CAB39: variants seen among roughly 807,000 people sequenced by gnomAD.
The protein encoded by CAB39 is calcium binding protein 39.
CAB39 carries 8 observed loss-of-function variants against 40.0 expected under a neutral mutation model. That is an observed-to-expected ratio of 0.20 (90% confidence interval 0.12 to 0.36). CAB39 has a LOEUF of 0.36. Among genes scored for constraint, CAB39 ranks in the 10% least tolerant of loss-of-function variants. The pLI is 1.00. For missense variants in CAB39, 270 were observed against 401.1 expected, an observed-to-expected ratio of 0.67 and a Z score of 2.79; for synonymous variants, 156 against 141.6, an observed-to-expected ratio of 1.10 and a Z score of -0.72.
At chr2:230,758,297 C>CAA (rs201939916) in intron 1 of CAB39, among the ~76,000 whole-genome samples, 2,821 of 73,302 alleles carry the variant, frequency 0.038, 136 homozygotes, top group African/African-American at 0.11. Context: ...AGCGAGACTC[C>CAA]AAAAAAAAAA....
chr2:230,755,722 G>A (rs1287720500), intron 1 of CAB39, among the ~76,000 whole-genome samples: 1 of 152,246 alleles, frequency 6.6e-6, no homozygotes, highest in East Asian at 1.9e-4. Flanking sequence ...TATTCTAAGG[G>A]CAGTGAAAAA....
intron 1 of CAB39, among the ~76,000 whole-genome samples, chr2:230,727,410 C>CT (rs1213702262): frequency 3.0e-5 from 3 of 101,616 alleles, no homozygotes; most frequent in South Asian, 2.9e-4. Context: ...ATTTTTTTTT[C>CT]TTTTTCTTTT....
intron 3 of CAB39, 42 bp from the exon 4 acceptor site, chr2:230,793,171 T>A (rs375183679): frequency 5.0e-4 from 550 of 1,108,656 alleles, no homozygotes; most frequent in Admixed American, 9.6e-4. Context: ...AGCATTTTGA[T>A]GTTTGGTCAG....
intron 2 of CAB39, among the ~76,000 whole-genome samples, chr2:230,785,891 G>A (rs1303186965): frequency 1.3e-4 from 19 of 151,380 alleles, no homozygotes; most frequent in Middle Eastern, 3.4e-3. Context: ...TTGGCCGGGC[G>A]CGGTGGCTCA....
chr2:230,789,682 G>T (rs761401144), intron 2 of CAB39, among the ~76,000 whole-genome samples: 5 of 152,174 alleles, frequency 3.3e-5, no homozygotes, highest in Non-Finnish European at 4.4e-5. Flanking sequence ...ACATGAGTGG[G>T]CTCTGCAGGT....
chr2:230,812,491 C>G (rs1001898251), intron 6 of CAB39, among the ~76,000 whole-genome samples: 3 of 152,174 alleles, frequency 2.0e-5, no homozygotes, highest in African/African-American at 7.2e-5. Flanking sequence ...AAGTTTCTTG[C>G]AACCAAGCTT....
At chr2:230,804,148 G>A (rs552119193) in intron 5 of CAB39, among the ~76,000 whole-genome samples, 148 of 152,288 alleles carry the variant, frequency 9.7e-4, no homozygotes, top group African/African-American at 3.2e-3. Context: ...AGAAATGGGG[G>A]AAAGGATTCC....
chr2:230,741,777 A>G (rs911022102), intron 1 of CAB39, among the ~76,000 whole-genome samples: 3 of 152,254 alleles, frequency 2.0e-5, no homozygotes, highest in African/African-American at 7.2e-5. Context: ...ATGTAATGTT[A>G]TACTTATTCA....
chr2:230,739,291 G>A (rs1156317909), intron 1 of CAB39, among the ~76,000 whole-genome samples: 1 of 152,174 alleles, frequency 6.6e-6, no homozygotes. Context: ...TCTAGAAATA[G>A]CTGAAGTTCC....
intron 1 of CAB39, among the ~76,000 whole-genome samples, chr2:230,758,966 T>C (rs1321223573): frequency 6.6e-6 from 1 of 152,214 alleles, no homozygotes; most frequent in African/African-American, 2.4e-5. Context: ...CTTTGTTTCT[T>C]CATAGTGCCT....
At chr2:230,755,725 G>A (rs531094511) in intron 1 of CAB39, among the ~76,000 whole-genome samples, 1 of 152,192 alleles carries the variant, frequency 6.6e-6, no homozygotes, top group Admixed American at 6.5e-5. Flanking sequence ...TCTAAGGGCA[G>A]TGAAAAATTA....
At chr2:230,758,796 T>A (rs1472330263) in intron 1 of CAB39, among the ~76,000 whole-genome samples, 1 of 152,216 alleles carries the variant, frequency 6.6e-6, no homozygotes, top group Non-Finnish European at 1.5e-5. Flanking sequence ...AGAAAACCAC[T>A]GATCTAAGTG....
chr2:230,780,047 T>C (rs1424848538), intron 2 of CAB39, among the ~76,000 whole-genome samples: 1 of 152,134 alleles, frequency 6.6e-6, no homozygotes, highest in African/African-American at 2.4e-5. Flanking sequence ...GTTCCCTTAA[T>C]TATCGGATGG....
At chr2:230,751,463 C>CT (rs1695084280) in intron 1 of CAB39, among the ~76,000 whole-genome samples, 1 of 152,162 alleles carries the variant, frequency 6.6e-6, no homozygotes, top group Non-Finnish European at 1.5e-5. Context: ...GACCTTTTGA[C>CT]TTATGGACCT....
chr2:230,785,556 G>A (rs1356933152), intron 2 of CAB39, among the ~76,000 whole-genome samples: 4 of 152,020 alleles, frequency 2.6e-5, no homozygotes, highest in Non-Finnish European at 5.9e-5. Flanking sequence ...ACGCATGGGG[G>A]TGGGGAGATC....
At chr2:230,765,672 A>G (rs1695373188) in intron 2 of CAB39, among the ~76,000 whole-genome samples, 4 of 152,060 alleles carry the variant, frequency 2.6e-5, no homozygotes, top group Admixed American at 1.3e-4. Context: ...ACCAGGGGCA[A>G]TTTTGCCCTG....
chr2:230,793,108 G>C (rs1256822549), intron 3 of CAB39, 105 bp from the exon 4 acceptor site: 4 of 640,354 alleles, frequency 6.2e-6, no homozygotes, highest in Non-Finnish European at 1.1e-5. Flanking sequence ...CAGATATTCA[G>C]TCATAACAAT....
chr2:230,759,779 A>C (rs1472451548), intron 1 of CAB39, among the ~76,000 whole-genome samples, 180 bp from the exon 2 acceptor site: 1 of 152,246 alleles, frequency 6.6e-6, no homozygotes, highest in Non-Finnish European at 1.5e-5. Context: ...CTGTAATTCT[A>C]AGACATCTGT....
At chr2:230,750,273 A>G (rs1695062828) in intron 1 of CAB39, among the ~76,000 whole-genome samples, 1 of 152,172 alleles carries the variant, frequency 6.6e-6, no homozygotes, top group South Asian at 2.1e-4. Context: ...TTCTCCCAGG[A>G]TTGAGTTCTC....
Sources: gnomAD v4.1 joint callset for allele counts (sites outside exome capture counted in the v4.1 genomes callset) on GRCh38, gnomAD v4.1.1 for gene constraint, MANE v1.5 for transcripts, NCBI Gene and HGNC (gene_info 2026-07-23, HGNC 2026-07-21) for gene names.